CALD1: variants seen among roughly 807,000 people sequenced by gnomAD.
CALD1 encodes caldesmon.
CALD1 carries 33 observed loss-of-function variants against 99.9 expected under a neutral mutation model. The observed-to-expected ratio is 0.33, with a 90% CI of 0.25 to 0.44. The LOEUF is 0.44. Ranked by LOEUF, CALD1 falls within the 20% of genes least tolerant of loss-of-function variation. CALD1 has a pLI of 1.00. For missense variants in CALD1, 861 were observed against 962.1 expected, an observed-to-expected ratio of 0.89 and a Z score of 1.39; for synonymous variants, 310 against 325.0, an observed-to-expected ratio of 0.95 and a Z score of 0.50.
chr7:134,945,427 G>A (rs772951425), intron 7 of CALD1, among the ~76,000 whole-genome samples: 5 of 152,160 alleles, frequency 3.3e-5, no homozygotes, highest in African/African-American at 4.8e-5. Context: ...ATAACAAAAC[G>A]TATTTAATTT....
At chr7:134,755,821 T>C (rs1229462946) in intron 1 of CALD1, among the ~76,000 whole-genome samples, 1 of 152,242 alleles carries the variant, frequency 6.6e-6, no homozygotes, top group Non-Finnish European at 1.5e-5. Context: ...TTGTTTAAGA[T>C]AATCTTTCCT....
chr7:134,767,806 C>T (rs77943343), intron 1 of CALD1, among the ~76,000 whole-genome samples: 15,322 of 152,230 alleles, frequency 0.1, 1,249 homozygotes, highest in East Asian at 0.25. Flanking sequence ...AGGCACACAC[C>T]GTGTTTCTGA....
At chr7:134,909,100 T>C (rs1803608139) in intron 3 of CALD1, among the ~76,000 whole-genome samples, 1 of 152,212 alleles carries the variant, frequency 6.6e-6, no homozygotes, top group Non-Finnish European at 1.5e-5. Context: ...TTTAATTTAG[T>C]TAATACATGC....
At chr7:134,848,748 T>A (rs1799956024) in intron 2 of CALD1, among the ~76,000 whole-genome samples, 2 of 152,196 alleles carry the variant, frequency 1.3e-5, no homozygotes, top group African/African-American at 4.8e-5. Flanking sequence ...TACAAAATTA[T>A]AAATATAAAG....
intron 3 of CALD1, among the ~76,000 whole-genome samples, chr7:134,879,537 G>A (rs1476774411): frequency 1.3e-5 from 2 of 152,104 alleles, no homozygotes; most frequent in African/African-American, 4.8e-5. Context: ...TACATTCCAT[G>A]GCTTAGTTTT....
rs571336596 is a variant in CALD1 at position 134,901,792 on chromosome 7, A to C, written c.72-26962A>C. On this transcript the variant is annotated intron_variant, in intron 3 of 14. Transcript: ENST00000361675. Reference sequence around the variant, plus strand: ...CAGTGCTTCCATAATTTCATACGGCATTCTCCCTATGTCTCTTCACAGAGG... The same window carrying C: ...CAGTGCTTCCATAATTTCATACGGCCTTCTCCCTATGTCTCTTCACAGAGG... Among the ~76,000 whole-genome samples the C allele has an allele frequency of 1.1e-3, 164 of 152,076 alleles. 3 individuals are homozygous for C. In the South Asian group the frequency reaches 0.018, roughly 17 times the overall value.
intron 1 of CALD1, among the ~76,000 whole-genome samples, chr7:134,789,858 A>G (rs192878544): frequency 8.5e-5 from 13 of 152,260 alleles, no homozygotes; most frequent in African/African-American, 2.9e-4. Context: ...GCTGCTCTAC[A>G]GAAGCAGACA....
intron 3 of CALD1, chr7:134,900,047 GAATAAAATAAC>G (rs1802880373): frequency 1.3e-5 from 2 of 152,022 alleles, no homozygotes; most frequent in Non-Finnish European, 2.9e-5. Context: ...CGGTGGGGAA[GAATAAAATAAC>G]AATAAAATAA....
At chr7:134,906,297 A>G (rs1262782189) in intron 3 of CALD1, among the ~76,000 whole-genome samples, 1 of 152,206 alleles carries the variant, frequency 6.6e-6, no homozygotes, top group African/African-American at 2.4e-5. Flanking sequence ...CCTGGAAAGA[A>G]ATGAATGGGC....
At chr7:134,741,223 A>T (rs1430817699), upstream of CALD1, among the ~76,000 whole-genome samples, 1 of 152,188 alleles carries the variant, frequency 6.6e-6, no homozygotes, top group African/African-American at 2.4e-5. Flanking sequence ...AGGCCTCAGG[A>T]AACTTACAGT....
At chr7:134,740,301 A>T (rs1410359341), upstream of CALD1, among the ~76,000 whole-genome samples, 1 of 150,062 alleles carries the variant, frequency 6.7e-6, no homozygotes, top group African/African-American at 2.5e-5. Flanking sequence ...GGAGGGGATT[A>T]AAAAAAAAGA....
chr7:134,787,070 A>G (rs1383408411), intron 1 of CALD1, among the ~76,000 whole-genome samples: 1 of 152,142 alleles, frequency 6.6e-6, no homozygotes, highest in South Asian at 2.1e-4. Context: ...TTGATAGTAG[A>G]TGTATGTAGT....
At chr7:134,949,558 T>C (rs1179044023) in intron 8 of CALD1, among the ~76,000 whole-genome samples, 1 of 152,186 alleles carries the variant, frequency 6.6e-6, no homozygotes, top group Non-Finnish European at 1.5e-5. Context: ...AAATTATATA[T>C]TCACTTGAAG....
At chr7:134,946,871 A>G (rs1485971088) in intron 7 of CALD1, among the ~76,000 whole-genome samples, 1 of 151,044 alleles carries the variant, frequency 6.6e-6, no homozygotes, top group Non-Finnish European at 1.5e-5. Context: ...GTATTTTAGT[A>G]GAGACAGGGT....
At chr7:134,944,574 G>A (rs1343228848) in intron 7 of CALD1, 1 of 151,758 alleles carries the variant, frequency 6.6e-6, no homozygotes, top group Admixed American at 6.6e-5. Flanking sequence ...TGTATTTCTT[G>A]AGCCCATTTC....
the CALD1 span, among the ~76,000 whole-genome samples, chr7:134,723,534 C>CTTTTT: frequency 2.3e-5 from 2 of 87,670 alleles, no homozygotes; most frequent in African/African-American, 4.7e-5. Context: ...GAAAAGGTAA[C>CTTTTT]TTTTTTTTTT....
chr7:134,904,492 G>T (rs770976608), intron 3 of CALD1, among the ~76,000 whole-genome samples: 4 of 151,976 alleles, frequency 2.6e-5, no homozygotes, highest in African/African-American at 9.7e-5. Flanking sequence ...GCGGTGGGAG[G>T]ATTGCTTGAG....
chr7:134,814,085 G>A (rs62462529), intron 1 of CALD1, among the ~76,000 whole-genome samples: 3,109 of 152,246 alleles, frequency 0.02, 81 homozygotes, highest in South Asian at 0.14. Context: ...GTAATGCAGG[G>A]ATCAGGAAAT....
At chr7:134,934,936 G>A (rs1201049483) in intron 5 of CALD1, among the ~76,000 whole-genome samples, 1 of 151,690 alleles carries the variant, frequency 6.6e-6, no homozygotes. Context: ...GAAATTAACT[G>A]GTAATAAAGA....
Sources: gnomAD v4.1 joint callset for allele counts (sites outside exome capture counted in the v4.1 genomes callset) on GRCh38, gnomAD v4.1.1 for gene constraint, MANE v1.5 for transcripts, NCBI Gene and HGNC (gene_info 2026-07-23, HGNC 2026-07-21) for gene names.